ANK2: variants seen among roughly 807,000 people sequenced by gnomAD.
The protein encoded by ANK2 is ankyrin-2.
ANK2 carries 83 observed loss-of-function variants against 360.5 expected under a neutral mutation model. That is an observed-to-expected ratio of 0.23 (90% confidence interval 0.19 to 0.28). The LOEUF (loss-of-function observed/expected upper bound fraction) is 0.28. Ranked by LOEUF, ANK2 falls within the 10% of genes least tolerant of loss-of-function variation. The probability of loss-of-function intolerance (pLI) is 1.00; values close to 1 mark genes in which losing one functional copy is unlikely to be tolerated. For missense variants in ANK2, 4,201 were observed against 4,795.7 expected (o/e 0.88, Z 3.66); for synonymous variants, 1,740 against 1,759.5 (o/e 0.99, Z 0.28).
chr4:113,311,130 A>T, intron 23 of ANK2, 125 bp from the exon 24 acceptor site: 3 of 1,164,726 alleles, frequency 2.6e-6, no homozygotes, highest in South Asian at 1.3e-5. Context: ...TCTGTGTTCT[A>T]GTGTGCAGTG....
At chr4:112,837,946 A>T (rs2061342399) in intron 1 of ANK2, among the ~76,000 whole-genome samples, 1 of 152,142 alleles carries the variant, frequency 6.6e-6, no homozygotes, top group Non-Finnish European at 1.5e-5. Flanking sequence ...ATGAGTTAAG[A>T]CTTTGGGGGA....
In ANK2 at chr4:113,240,465, T is replaced by C. The variant is rs776859965; in HGVS notation, c.694-20T>C. ...GAAAAGTGAAGCGCTATACTGACTG[T>C]CATATCTTTGCTTTCATAGAGTGGT... is the stretch of plus-strand genomic sequence containing the variant. On this transcript the variant is annotated intron_variant, in intron 7 of 45. Coordinates refer to ENST00000357077, the MANE Select transcript of ANK2 (RefSeq NM_001148.6). 9 of 1,583,160 alleles carry C rather than the reference T, an allele frequency of 5.7e-6. No homozygotes were observed. Among genetic ancestry groups the C allele is most frequent in the Non-Finnish European group, 7.8e-6 (9 of 1,151,818 alleles).
intron 11 of ANK2, 108 bp from the exon 12 acceptor site, chr4:113,257,942 G>T: frequency 9.2e-7 from 1 of 1,087,034 alleles, no homozygotes; most frequent in Non-Finnish European, 1.4e-6. Context: ...TTGAAGAAAT[G>T]GTAACATTAT....
intron 15 of ANK2, 22 bp downstream of exon 15, chr4:113,274,671 G>A (rs2153689440): frequency 6.2e-7 from 1 of 1,612,216 alleles, no homozygotes; most frequent in Non-Finnish European, 8.5e-7. Flanking sequence ...GACATCATGA[G>A]AACATGGACC....
chr4:112,997,534 G>A (rs1426454715), intron 2 of ANK2, among the ~76,000 whole-genome samples: 1 of 152,016 alleles, frequency 6.6e-6, no homozygotes, highest in Non-Finnish European at 1.5e-5. Context: ...TCCCTTTTGT[G>A]TATTTTACTC....
chr4:113,357,474 A>G lies in ANK2; in HGVS notation c.8856A>G (p.Thr2952=), dbSNP rs764563821. The change falls in exon 38 of 46, where the codon ACA becomes ACG. Residue 2952 remains threonine, a synonymous_variant. Transcript: ENST00000357077. The part of the protein sequence containing the change: ...SKTQTDANHT[T]SFHSSEVYSV... ...CCCAAACAGATGCAAATCACACCAC[A>G]AGTTTTCACTCTTCTGAAGTGTATT... 1 of 1,614,050 alleles carries G rather than the reference A, an allele frequency of 6.2e-7. No homozygotes were observed. Among genetic ancestry groups the G allele is most frequent in the East Asian group, 2.2e-5 (1 of 44,874 alleles).
the ANK2 span, among the ~76,000 whole-genome samples, chr4:112,712,402 ATATATT>A: frequency 0.22 from 15,548 of 70,676 alleles, 1,026 homozygotes; most frequent in Non-Finnish European, 0.32. Context: ...ATATATATAT[ATATATT>A]TTTTTTTTTT....
upstream of ANK2, chr4:112,817,985 A>T (rs1481103435): frequency 6.6e-6 from 1 of 152,316 alleles, no homozygotes; most frequent in Non-Finnish European, 1.5e-5. Flanking sequence ...CACTCAAATG[A>T]TGCAACCCAA....
At chr4:112,856,937 A>G (rs1646339845) in intron 1 of ANK2, among the ~76,000 whole-genome samples, 1 of 152,192 alleles carries the variant, frequency 6.6e-6, no homozygotes, top group Non-Finnish European at 1.5e-5. Flanking sequence ...CTGAGGAGAC[A>G]TCAAGGGTCA....
intron 4 of ANK2, among the ~76,000 whole-genome samples, chr4:113,213,466 G>A (rs1191319113): frequency 1.3e-5 from 2 of 152,086 alleles, no homozygotes; most frequent in Admixed American, 1.3e-4. Context: ...TACTATGTGG[G>A]CAGCTGTCTC....
In ANK2 at chr4:113,331,271, C is replaced by A. The variant is rs530928278; in HGVS notation, c.3126-701C>A. Reference sequence around the variant, plus strand: ...GGGAGAAAATCCTAATAATCGTGAACTCTTTTACTTTGCCGATGTCATATT... The same window carrying A: ...GGGAGAAAATCCTAATAATCGTGAAATCTTTTACTTTGCCGATGTCATATT... On this transcript the variant is annotated intron_variant, in intron 27 of 45. Transcript: ENST00000357077. Among the ~76,000 whole-genome samples the A allele has an allele frequency of 1.4e-3, 220 of 152,252 alleles. 2 individuals are homozygous for A. The highest frequency in any genetic ancestry group is 5.1e-3 in the African/African-American group (210 of 41,544).
intron 4 of ANK2, among the ~76,000 whole-genome samples, chr4:113,229,261 C>T (rs892510109): frequency 6.6e-6 from 1 of 152,188 alleles, no homozygotes; most frequent in Non-Finnish European, 1.5e-5. Flanking sequence ...TGTTTCCTTC[C>T]GGAGGCTCTA....
chr4:113,349,081 A>G (rs1190316533), intron 36 of ANK2, among the ~76,000 whole-genome samples: 2 of 152,126 alleles, frequency 1.3e-5, no homozygotes, highest in Non-Finnish European at 2.9e-5. Context: ...ATCAATGTCG[A>G]TCTCTCACAA....
rs1410754191 is a variant in ANK2, at chr4:113,358,351, C to T, written c.9733C>T (p.Pro3245Ser). Residue 3245 changes from proline (P) to serine (S), a missense_variant, in exon 38 of 46, where the codon CCC becomes TCC. Physicochemically the swap from Pro to Ser is moderately conservative, Grantham distance 74 (BLOSUM62 -1). Coordinates refer to ENST00000357077, the MANE Select transcript of ANK2 (RefSeq NM_001148.6). The part of the protein sequence containing the change: ...PLSGVKQISC[P>S]DSSEPAVQVQ... ...CTCTGGTGTAAAGCAGATATCCTGCCCCGACTCTTCTGAACCAGCTGTACA... is the reference window on the plus strand; with the variant it reads ...CTCTGGTGTAAAGCAGATATCCTGCTCCGACTCTTCTGAACCAGCTGTACA... The T allele has an allele frequency of 2.5e-6, 4 of 1,613,884 alleles. No homozygotes were observed. The highest frequency in any genetic ancestry group is 2.5e-6 in the Non-Finnish European group (3 of 1,179,930).
rs775681781 is a variant in ANK2, at chr4:113,277,929, A to G, written c.1776A>G (p.Ala592=). 4 of 1,613,164 alleles carry G rather than the reference A, an allele frequency of 2.5e-6. No individual in the cohort carries two copies. Among genetic ancestry groups the G allele is most frequent in the Admixed American group, 1.7e-5 (1 of 60,016 alleles). ...LLQRRAAADS[A]GKNGLTPLHV... ...AACGCCGTGCTGCCGCAGATTCTGC[A>G]GGGAAGGTAAAGATTTTCTATACGT... Residue 592 remains alanine (A), a synonymous_variant, in exon 16 of 46, where the codon GCA becomes GCG. Coordinates refer to ENST00000357077, the MANE Select transcript of ANK2 (RefSeq NM_001148.6).
intron 1 of ANK2, among the ~76,000 whole-genome samples, chr4:112,872,444 TCTCCCGCCTCAGC>T (rs1442346951): frequency 6.6e-6 from 1 of 152,082 alleles, no homozygotes; most frequent in African/African-American, 2.4e-5. Context: ...TTCAAGCGAT[TCTCCCGCCTCAGC>T]CTCCCGAGTA....
At chr4:113,079,566 G>A (rs1037107281) in intron 1 of ANK2, among the ~76,000 whole-genome samples, 2 of 152,066 alleles carry the variant, frequency 1.3e-5, no homozygotes, top group African/African-American at 2.4e-5. Flanking sequence ...CTTACTGCTC[G>A]TCACACTATG....
At chr4:113,094,300 G>A (rs1358303493) in intron 1 of ANK2, among the ~76,000 whole-genome samples, 1 of 152,102 alleles carries the variant, frequency 6.6e-6, no homozygotes, top group Non-Finnish European at 1.5e-5. Flanking sequence ...TTATGCTTAA[G>A]CATCAGATTC....
At chr4:112,882,963 T>C (rs2077132765) in intron 1 of ANK2, among the ~76,000 whole-genome samples, 1 of 145,584 alleles carries the variant, frequency 6.9e-6, no homozygotes, top group South Asian at 2.2e-4. Flanking sequence ...AGAAACTGAA[T>C]GGCTGCAATG....
Sources: allele counts gnomAD v4.1 joint callset (sites outside exome capture counted in the v4.1 genomes callset), GRCh38; gene constraint gnomAD v4.1.1; transcripts MANE v1.5; gene names NCBI Gene and HGNC (gene_info 2026-07-23, HGNC 2026-07-21).